Variants in TCF7L1 observed in about 807,000 individuals in gnomAD.
TCF7L1 encodes the protein transcription factor 7 like 1, also known as transcription factor 7-like 1.
In TCF7L1, 18 loss-of-function variants were observed where a neutral mutation model predicts 63.7. The observed-to-expected ratio is 0.28, with a 90% confidence interval of 0.20 to 0.42. The LOEUF (loss-of-function observed/expected upper bound fraction) is 0.42. Ranked by LOEUF, TCF7L1 falls within the 10% of genes least tolerant of loss-of-function variation. The probability of loss-of-function intolerance (pLI) is 1.00; values close to 1 mark genes in which losing one functional copy is unlikely to be tolerated. For missense variants in TCF7L1, 654 were observed against 779.3 expected, an observed-to-expected ratio of 0.84 and a Z score of 1.91; for synonymous variants, 355 against 340.9, an observed-to-expected ratio of 1.04 and a Z score of -0.46.
Position 85,134,374 on chromosome 2 carries a change from A to T in TCF7L1, c.365A>T (p.Tyr122Phe). Reference protein sequence around the residue: ...AFFKGPPYPGYPFLMIPDLSS... With the variant: ...AFFKGPPYPGFPFLMIPDLSS... ...TTTAAAGGACCCCCGTACCCTGGGT[A>T]CCCCTTCCTGATGATCCCGGACCTG... The change falls in exon 3 of 12, where the codon TAC becomes TTC. Residue 122 changes from tyrosine to phenylalanine, a missense_variant. Tyr to Phe is a conservative substitution (Grantham distance 22, BLOSUM62 3). Transcript: ENST00000282111. The surrounding 1 kb of genome is among the most constrained non-coding windows in gnomAD (Gnocchi z 5.0). 2 of 1,578,814 alleles carry T rather than the reference A, an allele frequency of 1.3e-6. No homozygotes were observed. Among genetic ancestry groups the T allele is most frequent in the Non-Finnish European group, 1.7e-6 (2 of 1,161,776 alleles).
chr2:85,281,911 C>G (rs1187556479), intron 3 of TCF7L1, among the ~76,000 whole-genome samples: 42 of 152,188 alleles, frequency 2.8e-4, no homozygotes, highest in Non-Finnish European at 2.9e-5. Context: ...CCCTCCTGCT[C>G]CTGTACACAG....
At chr2:85,154,982 A>G (rs930026224) in intron 3 of TCF7L1, among the ~76,000 whole-genome samples, 4 of 152,032 alleles carry the variant, frequency 2.6e-5, no homozygotes, top group Non-Finnish European at 5.9e-5. Flanking sequence ...ATGCCTGGCT[A>G]ATTTTTGTAT....
At chr2:85,178,740 T>C (rs983726560) in intron 3 of TCF7L1, among the ~76,000 whole-genome samples, 3 of 152,178 alleles carry the variant, frequency 2.0e-5, no homozygotes, top group African/African-American at 7.2e-5. Flanking sequence ...AAGCCCTGGC[T>C]CAGCCATGGT....
chr2:85,294,400 G>A (rs7569653), intron 4 of TCF7L1, among the ~76,000 whole-genome samples: 79,521 of 151,838 alleles, frequency 0.52, 21,297 homozygotes, highest in East Asian at 0.88. Context: ...ACTTTGCAGA[G>A]TTTGATTCAG....
chr2:85,160,207 C>A (rs948855163), intron 3 of TCF7L1, among the ~76,000 whole-genome samples: 6 of 152,144 alleles, frequency 3.9e-5, no homozygotes, highest in Admixed American at 1.3e-4. Context: ...GCCTCCTTCC[C>A]CCTGGCAGCC....
intron 3 of TCF7L1, among the ~76,000 whole-genome samples, chr2:85,137,614 T>C (rs925761540): frequency 1.3e-5 from 2 of 152,224 alleles, no homozygotes; most frequent in Admixed American, 1.3e-4. Context: ...GTAAGTTGGC[T>C]GGGTGCGGTG....
At chr2:85,277,792 C>T (rs1681310536) in intron 3 of TCF7L1, among the ~76,000 whole-genome samples, 1 of 152,234 alleles carries the variant, frequency 6.6e-6, no homozygotes, top group Admixed American at 6.5e-5. Flanking sequence ...TAACATGAAG[C>T]TTTGTTTCCT....
At position 85,264,744 on chromosome 2, in the gene TCF7L1, A is replaced by ATT. The variant is rs113472191; in HGVS notation, c.442-18750_442-18749insTT. On this transcript the variant is annotated intron_variant, in intron 3 of 11. Coordinates refer to ENST00000282111, the MANE Select transcript of TCF7L1 (RefSeq NM_031283.3). ...GCCTAGCCTGGATGCTTGAAATTCCATAAAGACCAAGCCCTGGATTTGATT... is the reference window on the plus strand; with the variant it reads ...GCCTAGCCTGGATGCTTGAAATTCCATTTAAAGACCAAGCCCTGGATTTGATT... Among the ~76,000 whole-genome samples the ATT allele has an allele frequency of 6.6e-3, 1,008 of 152,300 alleles. 15 individuals are homozygous for ATT. The highest frequency in any genetic ancestry group is 0.023 in the African/African-American group (971 of 41,552).
At chr2:85,141,750 G>A (rs1032242393) in intron 3 of TCF7L1, among the ~76,000 whole-genome samples, 6 of 152,202 alleles carry the variant, frequency 3.9e-5, no homozygotes, top group African/African-American at 1.4e-4. Context: ...TACTTCATCC[G>A]TGGAGGGTGC....
At position 85,202,902 on chromosome 2, in the gene TCF7L1, A is replaced by C. The variant is rs370113222; in HGVS notation, c.441+68452A>C. Among the ~76,000 whole-genome samples, 1,038 of 152,092 alleles carry C rather than the reference A, an allele frequency of 6.8e-3. 11 individuals carry two copies. The highest frequency in any genetic ancestry group is 0.024 in the African/African-American group (980 of 41,508). On this transcript the variant is annotated intron_variant, in intron 3 of 11. Coordinates refer to ENST00000282111, the MANE Select transcript of TCF7L1 (RefSeq NM_031283.3). The stretch of plus-strand genomic sequence containing the variant: ...AGGCTGGAGTGCAGTGGTGCCATCT[A>C]GGCTCACTGCAAGCTCCACCTCCTG...
At chr2:85,177,869 A>G (rs1215096117) in intron 3 of TCF7L1, among the ~76,000 whole-genome samples, 1 of 152,142 alleles carries the variant, frequency 6.6e-6, no homozygotes, top group African/African-American at 2.4e-5. Flanking sequence ...TGGTTTCTTC[A>G]TTTCATTATA....
intron 3 of TCF7L1, among the ~76,000 whole-genome samples, chr2:85,226,580 T>A (rs1447769504): frequency 1.2e-5 from 1 of 83,636 alleles, no homozygotes; most frequent in Non-Finnish European, 2.3e-5. Flanking sequence ...AGTAGCTTCC[T>A]CTCCCAACTT....
chr2:85,293,076 A>T (rs577727840), intron 4 of TCF7L1, among the ~76,000 whole-genome samples: 9 of 152,236 alleles, frequency 5.9e-5, no homozygotes, highest in Non-Finnish European at 7.3e-5. Flanking sequence ...TTCTCATGGC[A>T]TGTGGCAGAT....
At chr2:85,288,297 A>G (rs548599520) in intron 4 of TCF7L1, among the ~76,000 whole-genome samples, 1 of 152,224 alleles carries the variant, frequency 6.6e-6, no homozygotes, top group South Asian at 2.1e-4. Flanking sequence ...CTTAGTTTTT[A>G]AGCTCCCCAG....
chr2:85,136,101 T>A (rs952749158), intron 3 of TCF7L1, among the ~76,000 whole-genome samples: 2 of 152,066 alleles, frequency 1.3e-5, no homozygotes, highest in African/African-American at 4.8e-5. Context: ...ACTATTAGGA[T>A]ATCTAGAGAG....
intron 7 of TCF7L1, 106 bp downstream of exon 7, chr2:85,304,444 A>T: frequency 8.7e-7 from 1 of 1,144,984 alleles, no homozygotes; most frequent in South Asian, 1.5e-5. Flanking sequence ...CACAGGGCTC[A>T]CCCTCCCCCC....
At chr2:85,266,342 C>T (rs1680970846) in intron 3 of TCF7L1, among the ~76,000 whole-genome samples, 1 of 152,194 alleles carries the variant, frequency 6.6e-6, no homozygotes, top group East Asian at 1.9e-4. Context: ...TTTACTTTCC[C>T]ACCACCAGGG....
intron 3 of TCF7L1, among the ~76,000 whole-genome samples, chr2:85,144,013 T>C (rs948619706): frequency 1.3e-5 from 2 of 152,214 alleles, no homozygotes; most frequent in African/African-American, 4.8e-5. Context: ...GGATTGTTTT[T>C]CCTCATTGAA....
At chr2:85,307,607 C>G in intron 10 of TCF7L1, 35 bp from the exon 11 acceptor site, 1 of 1,600,064 alleles carries the variant, frequency 6.2e-7, no homozygotes, top group South Asian at 1.1e-5. Flanking sequence ...ATTCTTCTCT[C>G]CCAGCTTACC....
Sources: gnomAD v4.1 joint callset for allele counts (sites outside exome capture counted in the v4.1 genomes callset) on GRCh38, gnomAD v4.1.1 for gene constraint, Gnocchi (gnomAD v3.1) non-coding constraint, MANE v1.5 for transcripts, NCBI Gene and HGNC (gene_info 2026-07-23, HGNC 2026-07-21) for gene names.